KDM4B: variants seen among roughly 807,000 people sequenced by gnomAD.
The protein encoded by KDM4B is lysine demethylase 4B.
Under a neutral mutation model 125.2 loss-of-function variants are expected in KDM4B, and 32 were observed. The observed-to-expected ratio is 0.26, with a 90% CI of 0.19 to 0.34. The LOEUF (loss-of-function observed/expected upper bound fraction) is 0.34. Ranked by LOEUF, KDM4B falls within the 10% of genes least tolerant of loss-of-function variation. The pLI, the probability that KDM4B is intolerant of heterozygous loss-of-function variation, is 1.00. For synonymous variants in KDM4B, 721 were observed against 677.9 expected (o/e 1.06, Z -0.99); for missense variants, 1,190 against 1,577.7 (o/e 0.75, Z 4.16).
At chr19:5,059,750 G>A (rs1305385961) in intron 6 of KDM4B, among the ~76,000 whole-genome samples, 2 of 151,378 alleles carry the variant, frequency 1.3e-5, no homozygotes, top group East Asian at 4.0e-4. Context: ...TGGGTGCTGT[G>A]TGTCTGTGGG....
chr19:5,099,448 C>T (rs930902752), intron 9 of KDM4B, among the ~76,000 whole-genome samples: 2 of 152,138 alleles, frequency 1.3e-5, no homozygotes, highest in Non-Finnish European at 2.9e-5. Context: ...GGCCATTTGA[C>T]CAAAGGGCAA....
intron 1 of KDM4B, among the ~76,000 whole-genome samples, chr19:5,001,052 GAC>G: frequency 6.7e-6 from 1 of 149,700 alleles, no homozygotes; most frequent in African/African-American, 2.5e-5. Context: ...TTTTTTTTGA[GAC>G]AGAGTCTTTC....
chr19:5,090,040 T>G (rs924629409), intron 9 of KDM4B, among the ~76,000 whole-genome samples: 1 of 152,122 alleles, frequency 6.6e-6, no homozygotes, highest in African/African-American at 2.4e-5. Context: ...ACACAAAAAC[T>G]GTGAAGACCC....
chr19:5,048,460 T>TC (rs937933121), intron 6 of KDM4B, among the ~76,000 whole-genome samples: 1 of 152,058 alleles, frequency 6.6e-6, no homozygotes. Context: ...TAGGTGGCGC[T>TC]CCCGCCCTTC....
In KDM4B at chr19:5,030,945, C is replaced by T. The variant is rs187368278; in HGVS notation, c.-25-1921C>T. On this transcript the variant is annotated intron_variant, in intron 2 of 22. Coordinates refer to ENST00000159111, the MANE Select transcript of KDM4B (RefSeq NM_015015.3). Reference sequence around the variant, plus strand: ...GGACCAGTAGGAGGCCTGAGGTGACCGCGTTCTGCCACCCAGTCCTCCCAG... The same window carrying T: ...GGACCAGTAGGAGGCCTGAGGTGACTGCGTTCTGCCACCCAGTCCTCCCAG... 8.8e-4 allele frequency among the ~76,000 whole-genome samples: 134 copies of T among 152,368 alleles called. 1 individual carries two copies. The highest frequency in any genetic ancestry group is 2.9e-3 in the African/African-American group (121 of 41,586).
At chr19:4,978,506 C>CCAAAA (rs2034528925) in intron 1 of KDM4B, among the ~76,000 whole-genome samples, 1 of 36,394 alleles carries the variant, frequency 2.7e-5, no homozygotes, top group Non-Finnish European at 4.5e-5. Context: ...GACTCTGTCT[C>CCAAAA]AAAAAAAAAA....
At chr19:5,134,283 T>C (rs897130731) in intron 14 of KDM4B, among the ~76,000 whole-genome samples, 3 of 152,122 alleles carry the variant, frequency 2.0e-5, no homozygotes, top group Non-Finnish European at 4.4e-5. Context: ...ACATGAGCCA[T>C]GGTGGATGGG....
At chr19:5,091,228 G>A (rs565267287) in intron 9 of KDM4B, among the ~76,000 whole-genome samples, 202 of 152,316 alleles carry the variant, frequency 1.3e-3, no homozygotes, top group Middle Eastern at 3.4e-3. Context: ...AGGACTCAGC[G>A]GCATCCCGAA....
At chr19:5,070,767 T>G in intron 6 of KDM4B, 1 of 450,620 alleles carries the variant, frequency 2.2e-6, no homozygotes, top group South Asian at 3.4e-5. Flanking sequence ...TCTGAGTGTG[T>G]CACAAGCCAC....
intron 1 of KDM4B, among the ~76,000 whole-genome samples, chr19:5,007,108 C>T (rs906755698): frequency 2.6e-5 from 4 of 152,226 alleles, no homozygotes; most frequent in African/African-American, 9.6e-5. Context: ...GGCCCTGTCC[C>T]CACCATCCCT....
At chr19:5,146,762 C>CG (rs2039854459) in intron 21 of KDM4B, among the ~76,000 whole-genome samples, 1 of 102,496 alleles carries the variant, frequency 9.8e-6, no homozygotes. Context: ...CCCCCCCCCC[C>CG]CCCACAATCT....
intron 3 of KDM4B, 26 bp downstream of exon 3, chr19:5,033,057 G>A (rs1281770904): frequency 3.1e-6 from 5 of 1,609,280 alleles, no homozygotes; most frequent in South Asian, 1.1e-5. Context: ...GCCCCAGCGC[G>A]GCCCTCCATC....
chr19:5,042,949 C>G (rs750857804), intron 5 of KDM4B, among the ~76,000 whole-genome samples: 5 of 148,220 alleles, frequency 3.4e-5, no homozygotes, highest in Non-Finnish European at 5.9e-5. Flanking sequence ...TAATTTTGTG[C>G]ACGAAGCGAA....
At chr19:4,978,278 G>T (rs2034518098) in intron 1 of KDM4B, among the ~76,000 whole-genome samples, 1 of 151,990 alleles carries the variant, frequency 6.6e-6, no homozygotes, top group Non-Finnish European at 1.5e-5. Context: ...AGGCTGAGGA[G>T]GGTGGATCAC....
At chr19:4,991,432 A>G (rs762936974) in intron 1 of KDM4B, among the ~76,000 whole-genome samples, 1 of 152,204 alleles carries the variant, frequency 6.6e-6, no homozygotes, top group Non-Finnish European at 1.5e-5. Context: ...TGGGCAACAC[A>G]GTGAGACCCT....
chr19:5,133,079 G>T (rs1301563019), intron 13 of KDM4B, among the ~76,000 whole-genome samples: 1 of 152,176 alleles, frequency 6.6e-6, no homozygotes, highest in East Asian at 1.9e-4. Context: ...TTTAGGTTGG[G>T]CTGAGGATTG....
At chr19:5,119,335 C>T (rs1417512114) in intron 10 of KDM4B, 9 of 724,046 alleles carry the variant, frequency 1.2e-5, no homozygotes, top group Middle Eastern at 3.6e-4. Context: ...CCTGCCGCCC[C>T]GTCCCGCCCG....
At chr19:5,059,718 C>T (rs1033972711) in intron 6 of KDM4B, among the ~76,000 whole-genome samples, 4 of 152,214 alleles carry the variant, frequency 2.6e-5, no homozygotes, top group African/African-American at 9.7e-5. Context: ...TGGCGGTCAC[C>T]GTGTTTCCTC....
chr19:5,085,580 T>C (rs1349907050), intron 9 of KDM4B, among the ~76,000 whole-genome samples: 1 of 152,226 alleles, frequency 6.6e-6, no homozygotes, highest in African/African-American at 2.4e-5. Context: ...ACGCTTCCAT[T>C]GTCAGGCGGC....
Sources: gnomAD v4.1 joint callset for allele counts (sites outside exome capture counted in the v4.1 genomes callset) on GRCh38, gnomAD v4.1.1 for gene constraint, MANE v1.5 for transcripts, NCBI Gene and HGNC (gene_info 2026-07-23, HGNC 2026-07-21) for gene names.